Variants in MXI1 observed in about 807,000 individuals in gnomAD.
The protein encoded by MXI1 is max-interacting protein 1.
In MXI1, 18 loss-of-function variants were observed where a neutral mutation model predicts 36.9. That is an observed-to-expected ratio of 0.49 (90% CI 0.34 to 0.72). The LOEUF is 0.72. Ranked by LOEUF, MXI1 falls within the 30% of genes least tolerant of loss-of-function variation. The pLI is 0.01. For synonymous variants in MXI1, 160 were observed against 146.7 expected, an observed-to-expected ratio of 1.09 and a Z score of -0.65; for missense variants, 304 against 379.1, an observed-to-expected ratio of 0.80 and a Z score of 1.64.
intron 3 of MXI1, among the ~76,000 whole-genome samples, chr10:110,248,219 T>C (rs563973397): frequency 6.6e-6 from 1 of 152,074 alleles, no homozygotes; most frequent in Non-Finnish European, 1.5e-5. Flanking sequence ...TGGGGAGGGA[T>C]AGCATTAGGA....
At chr10:110,280,907 T>C (rs1019501935) in intron 5 of MXI1, among the ~76,000 whole-genome samples, 3 of 152,216 alleles carry the variant, frequency 2.0e-5, no homozygotes, top group African/African-American at 7.2e-5. Flanking sequence ...TACTGATTGT[T>C]CTTCCCAAAG....
chr10:110,246,419 G>A lies in MXI1; in HGVS notation c.437+1562G>A, dbSNP rs59554290. On this transcript the variant is annotated intron_variant, in intron 3 of 5. Coordinates refer to ENST00000332674, the MANE Select transcript of MXI1 (RefSeq NM_130439.3). ...AAGATCTCATGACCTTCAACTTTTTGTCCTCCCTTTAACAAAAAATATATT... is the reference window on the plus strand; with the variant it reads ...AAGATCTCATGACCTTCAACTTTTTATCCTCCCTTTAACAAAAAATATATT... Among the ~76,000 whole-genome samples the A allele has an allele frequency of 8.5e-3, 1,300 of 152,072 alleles. 12 individuals are homozygous for A. The highest frequency in any genetic ancestry group is 0.03 in the African/African-American group (1,238 of 41,498).
chr10:110,210,663 C>T (rs553059182), intron 1 of MXI1, among the ~76,000 whole-genome samples: 1 of 152,222 alleles, frequency 6.6e-6, no homozygotes, highest in African/African-American at 2.4e-5. Flanking sequence ...TCCTCCTGCC[C>T]GGTCTAGGTC....
At chr10:110,273,195 G>GCC (rs1486624112) in intron 3 of MXI1, among the ~76,000 whole-genome samples, 2 of 151,840 alleles carry the variant, frequency 1.3e-5, no homozygotes, top group African/African-American at 2.4e-5. Context: ...CTACAGGCAT[G>GCC]TGCCACCACG....
chr10:110,236,462 A>G (rs1272357525), intron 2 of MXI1, among the ~76,000 whole-genome samples: 2 of 151,600 alleles, frequency 1.3e-5, no homozygotes, highest in Non-Finnish European at 2.9e-5. Context: ...ATTTTAATTA[A>G]TTTATTTTTT....
intron 1 of MXI1, among the ~76,000 whole-genome samples, chr10:110,226,901 G>GA (rs1855030730): frequency 6.4e-5 from 1 of 15,554 alleles, no homozygotes; most frequent in Non-Finnish European, 1.4e-4. Context: ...CGCGTGTGAG[G>GA]GAGGGGTGCG....
chr10:110,235,480 G>C (rs913605610), intron 2 of MXI1, among the ~76,000 whole-genome samples: 2 of 152,040 alleles, frequency 1.3e-5, no homozygotes, highest in African/African-American at 4.8e-5. Flanking sequence ...GAGGTCAGGA[G>C]ATCGAGACCA....
intron 2 of MXI1, among the ~76,000 whole-genome samples, chr10:110,234,830 T>C (rs750080698): frequency 5.9e-5 from 9 of 152,216 alleles, no homozygotes; most frequent in Non-Finnish European, 1.3e-4. Context: ...AAATTCTCTG[T>C]AGTTTCTAGT....
chr10:110,279,124 T>C, intron 3 of MXI1, 56 bp from the exon 4 acceptor site: 2 of 1,282,038 alleles, frequency 1.6e-6, no homozygotes, highest in South Asian at 2.4e-5. Context: ...ATAGGTTTTA[T>C]GATATTTCTA....
intron 3 of MXI1, among the ~76,000 whole-genome samples, chr10:110,271,777 A>G (rs894881965): frequency 3.3e-5 from 5 of 152,234 alleles, no homozygotes; most frequent in African/African-American, 9.6e-5. Flanking sequence ...CAGTGGTATA[A>G]TAAGGCACTA....
intron 3 of MXI1, among the ~76,000 whole-genome samples, chr10:110,262,536 T>A (rs905795102): frequency 6.6e-6 from 1 of 152,176 alleles, no homozygotes; most frequent in Non-Finnish European, 1.5e-5. Context: ...GAAACGATCA[T>A]GTTGATTTTA....
At chr10:110,266,140 C>T (rs1447861382) in intron 3 of MXI1, among the ~76,000 whole-genome samples, 4 of 151,626 alleles carry the variant, frequency 2.6e-5, no homozygotes, top group Non-Finnish European at 4.4e-5. Context: ...CAGAGTCTCG[C>T]TCAGTTGCCC....
At chr10:110,215,803 T>TGAG (rs1249767730) in intron 1 of MXI1, among the ~76,000 whole-genome samples, 18 of 151,968 alleles carry the variant, frequency 1.2e-4, no homozygotes, top group Admixed American at 1.2e-3. Flanking sequence ...AAGCCTTGAC[T>TGAG]GAGGAGGAGG....
chr10:110,210,807 C>G (rs1466156511), intron 1 of MXI1, among the ~76,000 whole-genome samples: 1 of 152,252 alleles, frequency 6.6e-6, no homozygotes, highest in Non-Finnish European at 1.5e-5. Context: ...CGCGTGTGCA[C>G]AGCAATAACG....
intron 3 of MXI1, among the ~76,000 whole-genome samples, chr10:110,248,174 A>T (rs1005672506): frequency 1.3e-5 from 2 of 152,160 alleles, no homozygotes; most frequent in Non-Finnish European, 2.9e-5. Context: ...GAAGGGGAAC[A>T]TCACACACCG....
intron 2 of MXI1, among the ~76,000 whole-genome samples, chr10:110,232,824 A>G (rs1855323968): frequency 6.6e-6 from 1 of 152,240 alleles, no homozygotes; most frequent in Non-Finnish European, 1.5e-5. Flanking sequence ...ATACATTTGG[A>G]AAAACAGCAT....
intron 1 of MXI1, chr10:110,225,986 G>T (rs1207194075): frequency 3.1e-6 from 3 of 982,120 alleles, no homozygotes; most frequent in Admixed American, 1.2e-4. Context: ...CCGTGCTCGC[G>T]GGGAGAGGTA....
intron 3 of MXI1, among the ~76,000 whole-genome samples, chr10:110,259,827 T>C (rs1027805416): frequency 6.6e-6 from 1 of 152,062 alleles, no homozygotes; most frequent in Non-Finnish European, 1.5e-5. Flanking sequence ...TGAAAAACTT[T>C]AGGTCTAAAC....
At chr10:110,231,369 C>CA (rs902935719) in intron 2 of MXI1, among the ~76,000 whole-genome samples, 1 of 150,748 alleles carries the variant, frequency 6.6e-6, no homozygotes, top group East Asian at 2.0e-4. Context: ...TCCACCCCCC[C>CA]CCCCTCAAAA....
Sources: allele counts gnomAD v4.1 joint callset (sites outside exome capture counted in the v4.1 genomes callset), GRCh38; gene constraint gnomAD v4.1.1; transcripts MANE v1.5; gene names NCBI Gene and HGNC (gene_info 2026-07-23, HGNC 2026-07-21).